Variants in SPSB4 observed in about 807,000 individuals in gnomAD.
SPSB4 encodes splA/ryanodine receptor domain and SOCS box containing 4.
A neutral mutation model predicts 20.9 loss-of-function variants in SPSB4; 21 were observed. That is an observed-to-expected ratio of 1.01 (90% CI 0.71 to 1.45). SPSB4 has a LOEUF of 1.45. SPSB4 is among the 40% of genes most tolerant of loss of function. SPSB4 has a pLI of 0.00. For missense variants in SPSB4, 399 were observed against 399.2 expected (o/e 1.00, Z 0.00); for synonymous variants, 207 against 183.8 (o/e 1.13, Z -1.02).
Position 141,051,548 on chromosome 3 carries a change from C to A in SPSB4, c.-598C>A, listed in dbSNP as rs1040559744. ...GGGCCCGGGCCCCAGCTGCTGCTAC[C>A]GCTGCGTGCGCTCAGGGCGCTGGGG... On this transcript the variant is annotated 5_prime_UTR_variant, in exon 1 of 3. Transcript: ENST00000310546. The A allele has an allele frequency of 6.6e-6, 1 of 150,378 alleles. No individual in the cohort carries two copies. The highest frequency in any genetic ancestry group is 2.1e-4 in the East Asian group (1 of 4,750). 9.3% of individuals were successfully genotyped at this position (150,378 alleles called of 1,614,324 possible).
At chr3:141,071,232 G>A (rs1937996086) in intron 2 of SPSB4, among the ~76,000 whole-genome samples, 1 of 152,208 alleles carries the variant, frequency 6.6e-6, no homozygotes, top group South Asian at 2.1e-4. Context: ...GCTGCTTTCT[G>A]GAATTGCTCC....
At chr3:141,122,021 T>C (rs1234930498) in intron 2 of SPSB4, among the ~76,000 whole-genome samples, 1 of 152,234 alleles carries the variant, frequency 6.6e-6, no homozygotes, top group East Asian at 1.9e-4. Flanking sequence ...TTTCAGCTTT[T>C]CTGCTCTGGT....
chr3:141,099,216 G>A (rs1361365129), intron 2 of SPSB4, among the ~76,000 whole-genome samples: 4 of 145,896 alleles, frequency 2.7e-5, no homozygotes, highest in South Asian at 2.2e-4. Context: ...ACGGAGTTTC[G>A]CTCTGTCGCC....
chr3:141,123,117 A>G (rs562652384), intron 2 of SPSB4, among the ~76,000 whole-genome samples: 1 of 152,328 alleles, frequency 6.6e-6, no homozygotes. Flanking sequence ...TTTTAACTGA[A>G]CTTCTGATAT....
chr3:141,063,109 T>C (rs983125662), intron 1 of SPSB4, among the ~76,000 whole-genome samples: 17 of 152,226 alleles, frequency 1.1e-4, no homozygotes, highest in African/African-American at 3.9e-4. Context: ...TATTATTAAG[T>C]ATTCTTGTCT....
At chr3:141,126,997 C>A (rs922475) in intron 2 of SPSB4, among the ~76,000 whole-genome samples, 1 of 152,210 alleles carries the variant, frequency 6.6e-6, no homozygotes, top group African/African-American at 2.4e-5. Context: ...CTTCACTCCC[C>A]GCCCAACCCA....
At chr3:141,068,374 T>C (rs765622617) in intron 2 of SPSB4, among the ~76,000 whole-genome samples, 1 of 152,214 alleles carries the variant, frequency 6.6e-6, no homozygotes, top group Non-Finnish European at 1.5e-5. Context: ...TTGTGGAAAG[T>C]GTCTGGAGCC....
chr3:141,137,161 G>A (rs1356769148), intron 2 of SPSB4, among the ~76,000 whole-genome samples: 1 of 152,142 alleles, frequency 6.6e-6, no homozygotes. Flanking sequence ...TGGTGTATAA[G>A]AATGCTTGTG....
At position 141,147,163 on chromosome 3, in the gene SPSB4, A is replaced by G. The variant is rs1370982782; in HGVS notation, c.716A>G (p.Asp239Gly). The change falls in exon 3 of 3, where the codon GAC (aspartate) becomes GGC (glycine). Residue 239 changes from aspartate to glycine, a missense_variant. Physicochemically the swap from Asp to Gly is moderately conservative, Grantham distance 94. Transcript: ENST00000310546. Reference sequence around the variant, plus strand: ...GCAGCCGAGCCCCTGCCACTGATGGACCTGTGCCGGAGATCCATCCGCTCG... The same window carrying G: ...GCAGCCGAGCCCCTGCCACTGATGGGCCTGTGCCGGAGATCCATCCGCTCG... ...GLDPEPLPLM[D>G]LCRRSIRSAL... The G allele has an allele frequency of 6.2e-7, 1 of 1,613,978 alleles. No homozygotes were observed. Among genetic ancestry groups the G allele is most frequent in the African/African-American group, 1.3e-5 (1 of 74,900 alleles).
At chr3:141,055,203 T>A (rs541947649) in intron 1 of SPSB4, among the ~76,000 whole-genome samples, 1 of 151,838 alleles carries the variant, frequency 6.6e-6, no homozygotes, top group African/African-American at 2.4e-5. Context: ...GAGGGTGCAG[T>A]GGGACGTAGG....
At chr3:141,101,826 A>G (rs996127913) in intron 2 of SPSB4, among the ~76,000 whole-genome samples, 3 of 152,200 alleles carry the variant, frequency 2.0e-5, no homozygotes, top group South Asian at 2.1e-4. Context: ...TAGTCATAAT[A>G]GGTTCTGCAC....
intron 2 of SPSB4, among the ~76,000 whole-genome samples, chr3:141,119,892 G>GT (rs893752844): frequency 7.9e-5 from 12 of 151,938 alleles, no homozygotes; most frequent in African/African-American, 2.7e-4. Flanking sequence ...TTTTTGAAGT[G>GT]TTTTTTTGTG....
At position 141,066,239 on chromosome 3, in the gene SPSB4, G is replaced by T. The variant is rs773533519; in HGVS notation, c.135G>T (p.Ala45=). The T allele has an allele frequency of 6.6e-7, 1 of 1,525,472 alleles. No individual in the cohort carries two copies. The highest frequency in any genetic ancestry group is 8.8e-7 in the Non-Finnish European group (1 of 1,137,168). 94.5% of individuals were successfully genotyped at this position (1,525,472 alleles called of 1,614,324 possible). A position where few individuals can be genotyped will look rare whatever the true frequency, so the allele number is the denominator to read the frequency against. ...TGGACCAGCTGTTGGACATGCCAGC[G>T]GCGGGGCTGGCTGTGCAGCTGCGGC... ...ARLDQLLDMP[A]AGLAVQLRHA... Residue 45 remains alanine (A), a synonymous_variant, in exon 2 of 3, where the codon GCG becomes GCT. Transcript: ENST00000310546.
chr3:141,107,179 G>A (rs987332060), intron 2 of SPSB4, among the ~76,000 whole-genome samples: 1 of 152,194 alleles, frequency 6.6e-6, no homozygotes, highest in Non-Finnish European at 1.5e-5. Context: ...ACTCCCCAAG[G>A]GATCTGAAAT....
intron 2 of SPSB4, among the ~76,000 whole-genome samples, chr3:141,128,567 C>A (rs916998232): frequency 1.3e-5 from 2 of 152,086 alleles, no homozygotes; most frequent in African/African-American, 2.4e-5. Context: ...GAGCACGCAG[C>A]CCCCAGAGAA....
intron 2 of SPSB4, among the ~76,000 whole-genome samples, chr3:141,126,075 T>A (rs4683394): frequency 3.3e-5 from 5 of 152,058 alleles, no homozygotes; most frequent in African/African-American, 1.2e-4. Context: ...CCCCAAGTCT[T>A]TGGGGCTCTA....
At chr3:141,063,824 G>T (rs909824717) in intron 1 of SPSB4, among the ~76,000 whole-genome samples, 1 of 152,234 alleles carries the variant, frequency 6.6e-6, no homozygotes, top group Non-Finnish European at 1.5e-5. Flanking sequence ...CAAGAAGAGG[G>T]CAGGATTGCT....
At chr3:141,132,390 A>G (rs528847853) in intron 2 of SPSB4, 61 of 210,716 alleles carry the variant, frequency 2.9e-4, no homozygotes, top group Middle Eastern at 2.1e-3. Context: ...CTGGTCTCAA[A>G]CTCCTGACCT....
Position 141,066,220 on chromosome 3 carries a change from A to G in SPSB4, c.116A>G (p.Gln39Arg). 1 of 1,550,072 alleles carries G rather than the reference A, an allele frequency of 6.5e-7. No homozygotes were observed. Among genetic ancestry groups the G allele is most frequent in the Non-Finnish European group, 8.7e-7 (1 of 1,150,130 alleles). Residue 39 changes from glutamine (Q) to arginine (R), a missense_variant, in exon 2 of 3, where the codon CAG becomes CGG. Physicochemically the swap from Gln to Arg is conservative, Grantham distance 43. Transcript: ENST00000310546. ...AEPGRPARLD[Q>R]LLDMPAAGLA... ...CCCGGGCGGCCGGCGCGGCTGGACC[A>G]GCTGTTGGACATGCCAGCGGCGGGG...
Sources: allele counts gnomAD v4.1 joint callset (sites outside exome capture counted in the v4.1 genomes callset), GRCh38; gene constraint gnomAD v4.1.1; transcripts MANE v1.5; gene names NCBI Gene and HGNC (gene_info 2026-07-23, HGNC 2026-07-21).